VWA8: variants seen among roughly 807,000 people sequenced by gnomAD.
The protein encoded by VWA8 is von Willebrand factor A domain containing 8.
Under a neutral mutation model 241.5 loss-of-function variants are expected in VWA8, and 221 were observed. The observed-to-expected ratio is 0.91, with a 90% CI of 0.82 to 1.02. The LOEUF is 1.02. VWA8 is among the 50% of genes least tolerant of loss of function. The pLI, the probability that VWA8 is intolerant of heterozygous loss-of-function variation, is 0.00. For missense variants in VWA8, 2,322 were observed against 2,328.7 expected (o/e 1.00, Z 0.06); for synonymous variants, 852 against 827.1 (o/e 1.03, Z -0.52).
chr13:41,725,903 T>C (rs753951815), intron 24 of VWA8, among the ~76,000 whole-genome samples: 2 of 152,288 alleles, frequency 1.3e-5, no homozygotes, highest in Non-Finnish European at 2.9e-5. Flanking sequence ...CTGCACATAA[T>C]AAAAACTACA....
rs562384035 is a variant in VWA8 at position 41,710,799 on chromosome 13, T to C, written c.3117-7388A>G. ...TGGATAAACAGTAAACTGATAATCA[T>C]TCTGACTTTCAAAGAGAATCTAATA... On this transcript the variant is annotated intron_variant, in intron 26 of 44. Coordinates refer to ENST00000379310, the MANE Select transcript of VWA8 (RefSeq NM_015058.2). Among the ~76,000 whole-genome samples the C allele has an allele frequency of 2.6e-5, 4 of 152,350 alleles. No individual in the cohort carries two copies. The South Asian group carries it at 8.3e-4, about 32-fold the overall frequency.
chr13:41,634,219 A>C (rs1593663771), intron 37 of VWA8, among the ~76,000 whole-genome samples: 2 of 152,108 alleles, frequency 1.3e-5, no homozygotes, highest in South Asian at 2.1e-4. Context: ...GTAGGGTGGC[A>C]CCAGACTTTC....
At chr13:41,823,453 T>C (rs1871047886) in intron 14 of VWA8, among the ~76,000 whole-genome samples, 1 of 152,130 alleles carries the variant, frequency 6.6e-6, no homozygotes, top group Non-Finnish European at 1.5e-5. Context: ...TTCTTGGCAA[T>C]ATAAACTGTT....
chr13:41,655,619 G>A (rs2044899175), intron 37 of VWA8, among the ~76,000 whole-genome samples: 1 of 152,134 alleles, frequency 6.6e-6, no homozygotes, highest in Middle Eastern at 3.2e-3. Context: ...CTCTGGTGAT[G>A]GAATGAGTTT....
chr13:41,693,027 TTTA>T, intron 29 of VWA8, 55 bp from the exon 30 acceptor site: 9 of 1,328,360 alleles, frequency 6.8e-6, no homozygotes, highest in Non-Finnish European at 7.2e-6. Flanking sequence ...TTTTTTTTTT[TTTA>T]AAGCAGCAAC....
chr13:41,631,238 T>C (rs773739032), intron 37 of VWA8, among the ~76,000 whole-genome samples: 6 of 152,158 alleles, frequency 3.9e-5, no homozygotes, highest in Non-Finnish European at 7.4e-5. Flanking sequence ...CAGGCTGGTC[T>C]TGAACCTTTG....
At chr13:41,700,798 C>G (rs2045244219) in intron 28 of VWA8, among the ~76,000 whole-genome samples, 1 of 152,136 alleles carries the variant, frequency 6.6e-6, no homozygotes, top group South Asian at 2.1e-4. Context: ...TTTGTCTCAA[C>G]AATTCTCATC....
intron 4 of VWA8, among the ~76,000 whole-genome samples, chr13:41,902,080 A>T (rs1322558621): frequency 6.6e-6 from 1 of 151,558 alleles, no homozygotes; most frequent in Admixed American, 6.6e-5. Context: ...ATGTATTTTT[A>T]AATAATGATG....
At chr13:41,874,303 C>T (rs1455915229) in intron 9 of VWA8, among the ~76,000 whole-genome samples, 1 of 151,046 alleles carries the variant, frequency 6.6e-6, no homozygotes, top group African/African-American at 2.4e-5. Flanking sequence ...CTCACCACTC[C>T]TATTCAACAT....
In VWA8 at chr13:41,731,679, A is replaced by G. The variant is rs553657229; in HGVS notation, c.2502+401T>C. Reference sequence around the variant, plus strand: ...AATCTCATCTTGAATTGTAGCTCCCATAATTCAAAAGAGGGACCCAGTGGG... The same window carrying G: ...AATCTCATCTTGAATTGTAGCTCCCGTAATTCAAAAGAGGGACCCAGTGGG... On this transcript the variant is annotated intron_variant, in intron 22 of 44. Transcript: ENST00000379310. 1.4e-4 allele frequency among the ~76,000 whole-genome samples: 21 copies of G among 152,326 alleles called. No homozygotes were observed. The South Asian group carries it at 4.3e-3, about 32-fold the overall frequency.
intron 40 of VWA8, among the ~76,000 whole-genome samples, chr13:41,591,479 T>C (rs1249025838): frequency 6.6e-6 from 1 of 152,144 alleles, no homozygotes; most frequent in Non-Finnish European, 1.5e-5. Context: ...AGCTAAGATG[T>C]TTTTATGCAT....
At chr13:41,959,606 C>CTGTTTTTTTTTTT (rs1878513286) in intron 1 of VWA8, among the ~76,000 whole-genome samples, 7 of 79,648 alleles carry the variant, frequency 8.8e-5, no homozygotes, top group East Asian at 4.4e-4. Flanking sequence ...CCTAAATATG[C>CTGTTTTTTTTTTT]TTTTTTTTTT....
rs568656989 is a variant in VWA8 at position 41,642,375 on chromosome 13, T to C, written c.4612-27291A>G. Among the ~76,000 whole-genome samples the C allele has an allele frequency of 2.6e-5, 4 of 151,056 alleles. No homozygotes were observed. The East Asian group carries it at 7.9e-4, about 30-fold the overall frequency. ...GAGTTCGAGACCAGCCTGGCCATCA[T>C]AGTGAAACCCTGTCTCTACTAAAAA... On this transcript the variant is annotated intron_variant, in intron 37 of 44. Transcript: ENST00000379310.
chr13:41,578,005 T>C (rs1331545149), intron 42 of VWA8, among the ~76,000 whole-genome samples: 2 of 152,204 alleles, frequency 1.3e-5, no homozygotes, highest in African/African-American at 4.8e-5. Flanking sequence ...TTAGCAACCA[T>C]CCATCTATCA....
At chr13:41,905,558 G>A (rs1235094321) in intron 4 of VWA8, among the ~76,000 whole-genome samples, 1 of 151,688 alleles carries the variant, frequency 6.6e-6, no homozygotes, top group Non-Finnish European at 1.5e-5. Flanking sequence ...CATAAAAATG[G>A]CTATCTATAC....
chr13:41,890,027 C>T (rs1271175153), intron 5 of VWA8, among the ~76,000 whole-genome samples: 3 of 152,166 alleles, frequency 2.0e-5, no homozygotes, highest in African/African-American at 7.2e-5. Context: ...TTGATTAAAT[C>T]CTTGATTATC....
chr13:41,810,511 A>G (rs1870419053), intron 17 of VWA8, among the ~76,000 whole-genome samples: 1 of 152,162 alleles, frequency 6.6e-6, no homozygotes, highest in Admixed American at 6.6e-5. Flanking sequence ...TTAAACTGAA[A>G]TAAGCCATGC....
chr13:41,830,135 T>C (rs960666235), intron 14 of VWA8, among the ~76,000 whole-genome samples: 62 of 150,166 alleles, frequency 4.1e-4, no homozygotes, highest in Non-Finnish European at 7.5e-4. Context: ...CCTGGCTACT[T>C]GGGAGGCTGA....
chr13:41,675,308 T>A lies in VWA8; in HGVS notation c.4328-12A>T, dbSNP rs1376798640. On this transcript the variant is annotated splice_polypyrimidine_tract_variant and intron_variant, in intron 35 of 44. Transcript: ENST00000379310. Reference sequence around the variant, plus strand: ...TGGAGGAGTAACATCTACAAACAAGTCATGACATGAGCCAAGTATTAAATT... The same window carrying A: ...TGGAGGAGTAACATCTACAAACAAGACATGACATGAGCCAAGTATTAAATT... The A allele has an allele frequency of 6.3e-7, 1 of 1,596,986 alleles. No individual in the cohort carries two copies. The highest frequency in any genetic ancestry group is 1.1e-5 in the South Asian group (1 of 89,432).
Sources: allele counts gnomAD v4.1 joint callset (sites outside exome capture counted in the v4.1 genomes callset), GRCh38; gene constraint gnomAD v4.1.1; transcripts MANE v1.5; gene names NCBI Gene and HGNC (gene_info 2026-07-23, HGNC 2026-07-21).